UBE2W: variants seen among roughly 807,000 people sequenced by gnomAD.
UBE2W encodes ubiquitin conjugating enzyme E2 W.
A neutral mutation model predicts 27.2 loss-of-function variants in UBE2W; 18 were observed. That is an observed-to-expected ratio of 0.66 (90% CI 0.46 to 0.98). The LOEUF is 0.98. Ranked by LOEUF, UBE2W falls within the 50% of genes least tolerant of loss-of-function variation. UBE2W has a pLI of 0.00. For synonymous variants in UBE2W, 53 were observed against 57.2 expected (o/e 0.93, Z 0.33); for missense variants, 90 against 180.2 (o/e 0.50, Z 2.87).
intron 4 of UBE2W, among the ~76,000 whole-genome samples, chr8:73,810,069 T>C (rs988344204): frequency 6.6e-6 from 1 of 152,160 alleles, no homozygotes; most frequent in Non-Finnish European, 1.5e-5. Flanking sequence ...AAAAATTCCC[T>C]GAAACAGGTT....
chr8:73,847,820 TG>T (rs1227597603), intron 1 of UBE2W, among the ~76,000 whole-genome samples: 4 of 151,966 alleles, frequency 2.6e-5, no homozygotes, highest in Non-Finnish European at 5.9e-5. Context: ...GAGAATTGCT[TG>T]AACCCAGGAG....
At chr8:73,837,310 C>T (rs903263881) in intron 1 of UBE2W, among the ~76,000 whole-genome samples, 12 of 152,272 alleles carry the variant, frequency 7.9e-5, no homozygotes, top group Non-Finnish European at 1.5e-4. Context: ...GTCAGGAGTT[C>T]GAGATCAGCC....
intron 1 of UBE2W, among the ~76,000 whole-genome samples, chr8:73,830,679 C>T (rs1162297023): frequency 6.6e-6 from 1 of 151,816 alleles, no homozygotes; most frequent in East Asian, 1.9e-4. Flanking sequence ...AGATGGGGTT[C>T]TCACTTTGTT....
At chr8:73,855,900 AT>A (rs570355413) in intron 1 of UBE2W, among the ~76,000 whole-genome samples, 1 of 151,882 alleles carries the variant, frequency 6.6e-6, no homozygotes, top group Non-Finnish European at 1.5e-5. Context: ...TATTCTACTC[AT>A]TTTCACAAGT....
At chr8:73,808,763 AG>A (rs1445885547) in intron 4 of UBE2W, among the ~76,000 whole-genome samples, 2 of 152,210 alleles carry the variant, frequency 1.3e-5, no homozygotes, top group Admixed American at 1.3e-4. Context: ...GTAAAAACAT[AG>A]TTTATTAGTG....
At chr8:73,865,255 G>A (rs976933519) in intron 1 of UBE2W, among the ~76,000 whole-genome samples, 8 of 146,684 alleles carry the variant, frequency 5.5e-5, no homozygotes, top group South Asian at 2.2e-4. Context: ...TTACGAAGAC[G>A]TGAATTCACA....
chr8:73,800,550 T>C (rs946775026), intron 5 of UBE2W, among the ~76,000 whole-genome samples: 7 of 152,070 alleles, frequency 4.6e-5, no homozygotes, highest in African/African-American at 7.2e-5. Context: ...CTCATTTGCA[T>C]TGGGGGAGCG....
Position 73,790,622 on chromosome 8 carries a change from G to C in UBE2W, c.*3480C>G. The C allele has an allele frequency of 2.0e-6, 2 of 984,938 alleles. No homozygotes were observed. Among genetic ancestry groups the C allele is most frequent in the Non-Finnish European group, 1.2e-6 (1 of 829,574 alleles). The allele number at this position is 984,938 out of a possible 1,614,324, so 61.0% of individuals were successfully genotyped here. On this transcript the variant is annotated 3_prime_UTR_variant, in exon 6 of 6. Transcript: ENST00000602593. ...ATAAAGGCTTAGAACTAGTGACACT[G>C]AATTCTTTATTTAAAAAAATTTTTG... is the stretch of plus-strand genomic sequence containing the variant.
chr8:73,866,290 AATATATATATATATATATAT>A (rs71269958), intron 1 of UBE2W, among the ~76,000 whole-genome samples: 1 of 43,092 alleles, frequency 2.3e-5, no homozygotes, highest in African/African-American at 9.9e-5. Context: ...AAAAAAAAAA[AATATATATATATATATATAT>A]ATATATATAC....
chr8:73,822,602 CAAAAAA>C (rs67427702), intron 3 of UBE2W, among the ~76,000 whole-genome samples: 22 of 51,226 alleles, frequency 4.3e-4, no homozygotes, highest in South Asian at 1.3e-3. Context: ...CTTGCAACTG[CAAAAAA>C]AAAAAAAAAA....
Position 73,805,472 on chromosome 8 carries a change from C to CAAAAAAAAAAAACAAAACAAAAAAAA in UBE2W, c.442+178_442+179insTTTTTTTTGTTTTGTTTTTTTTTTTT. ...TCCATCTCAAAAAAAAAAAAAAAAA[C>CAAAAAAAAAAAACAAAACAAAAAAAA]AAAAAAAACTAGGGTAATTCATCCA... On this transcript the variant is annotated intron_variant, in intron 5 of 5. Coordinates refer to ENST00000602593, the MANE Select transcript of UBE2W (RefSeq NM_018299.6). Among the ~76,000 whole-genome samples, 39 of 43,692 alleles carry CAAAAAAAAAAAACAAAACAAAAAAAA rather than the reference C, an allele frequency of 8.9e-4. 2 individuals are homozygous for CAAAAAAAAAAAACAAAACAAAAAAAA. The highest frequency in any genetic ancestry group is 1.9e-3 in the Non-Finnish European group (38 of 20,120). The allele number at this position is 43,692 out of a possible 152,430, so 28.7% of individuals were successfully genotyped here.
intron 1 of UBE2W, chr8:73,833,890 T>G (rs1391985350): frequency 1.3e-5 from 2 of 152,180 alleles, no homozygotes; most frequent in African/African-American, 2.4e-5. Context: ...CCCCTCCTCC[T>G]GAGACAACCT....
intron 5 of UBE2W, among the ~76,000 whole-genome samples, chr8:73,800,524 T>A (rs914019235): frequency 2.6e-5 from 4 of 152,136 alleles, no homozygotes; most frequent in Non-Finnish European, 5.9e-5. Context: ...AAGAATCCAG[T>A]GCCTTTTAAA....
In UBE2W at chr8:73,791,366, G is replaced by A; in HGVS notation, c.*2736C>T. On this transcript the variant is annotated 3_prime_UTR_variant, in exon 6 of 6. Coordinates refer to ENST00000602593, the MANE Select transcript of UBE2W (RefSeq NM_018299.6). ...CTTAATAGAATTTGGCAAACCAGAA[G>A]AATGGCCTAAAAATAAATAAATAAA... 1.0e-6 allele frequency: 1 copy of A among 983,312 alleles called. No homozygotes were observed. Among genetic ancestry groups the A allele is most frequent in the Non-Finnish European group, 1.2e-6 (1 of 829,148 alleles). 60.9% of individuals were successfully genotyped at this position (983,312 alleles called of 1,614,324 possible). A position where few individuals can be genotyped will look rare whatever the true frequency, so the allele number is the denominator to read the frequency against.
chr8:73,874,303 C>T lies in UBE2W; in HGVS notation c.15+4505G>A, dbSNP rs1812126607. Among the ~76,000 whole-genome samples the T allele has an allele frequency of 3.3e-5, 5 of 152,132 alleles. No individual in the cohort carries two copies. The South Asian group carries it at 1.0e-3, about 32-fold the overall frequency. On this transcript the variant is annotated intron_variant, in intron 1 of 5. Transcript: ENST00000602593. ...AAAATAAGCCGGGCGAGGTGGCAGG[C>T]GCCTGTAGTCCCAGCTACGCGGGAG... is the stretch of plus-strand genomic sequence containing the variant.
At chr8:73,813,694 A>T (rs1361830524) in intron 3 of UBE2W, among the ~76,000 whole-genome samples, 4 of 151,878 alleles carry the variant, frequency 2.6e-5, no homozygotes, top group African/African-American at 7.3e-5. Context: ...ATAAAAGGAA[A>T]TTTTTTTCAA....
At chr8:73,867,713 G>GAAA (rs71269960) in intron 1 of UBE2W, among the ~76,000 whole-genome samples, 1 of 128,696 alleles carries the variant, frequency 7.8e-6, no homozygotes, top group Non-Finnish European at 1.6e-5. Flanking sequence ...CTCTGTCTCA[G>GAAA]AAAAAAAAAA....
At chr8:73,823,563 T>C (rs952044451) in intron 3 of UBE2W, among the ~76,000 whole-genome samples, 3 of 152,216 alleles carry the variant, frequency 2.0e-5, no homozygotes, top group Admixed American at 1.3e-4. Flanking sequence ...TCCACACATT[T>C]ACAGTCAGAA....
At chr8:73,795,819 C>CTTT (rs1260328071) in intron 5 of UBE2W, 5 of 981,946 alleles carry the variant, frequency 5.1e-6, no homozygotes, top group Non-Finnish European at 6.0e-6. Context: ...AAGTGGCTCA[C>CTTT]GCCTGTAATT....
Sources: allele counts gnomAD v4.1 joint callset (sites outside exome capture counted in the v4.1 genomes callset), GRCh38; gene constraint gnomAD v4.1.1; transcripts MANE v1.5; gene names NCBI Gene and HGNC (gene_info 2026-07-23, HGNC 2026-07-21).